Variants in GRM7 observed in about 807,000 individuals in gnomAD.
GRM7 encodes glutamate metabotropic receptor 7.
Under a neutral mutation model 84.5 loss-of-function variants are expected in GRM7, and 35 were observed. The observed-to-expected ratio is 0.41, with a 90% confidence interval of 0.32 to 0.55. The LOEUF (loss-of-function observed/expected upper bound fraction) is 0.55. Among genes scored for constraint, GRM7 ranks in the 20% least tolerant of loss-of-function variants. The pLI is 0.19. For missense variants in GRM7, 1,003 were observed against 1,194.6 expected, an observed-to-expected ratio of 0.84 and a Z score of 2.36; for synonymous variants, 487 against 455.1, an observed-to-expected ratio of 1.07 and a Z score of -0.89.
intron 2 of GRM7, among the ~76,000 whole-genome samples, chr3:7,262,275 C>T (rs76651196): frequency 6.8e-4 from 104 of 152,198 alleles, no homozygotes; most frequent in Non-Finnish European, 1.2e-3. Flanking sequence ...CCACATTTCT[C>T]AGAGGTTTTC....
intron 4 of GRM7, among the ~76,000 whole-genome samples, chr3:7,389,161 T>C (rs896248120): frequency 1.3e-5 from 2 of 152,166 alleles, no homozygotes; most frequent in African/African-American, 4.8e-5. Context: ...GCAAGCTATT[T>C]AGTTTCTATG....
intron 4 of GRM7, among the ~76,000 whole-genome samples, chr3:7,321,953 T>A (rs570389929): frequency 2.6e-5 from 4 of 152,210 alleles, no homozygotes; most frequent in East Asian, 3.9e-4. Flanking sequence ...AACATCAGTG[T>A]GAATGGCCTC....
intron 4 of GRM7, among the ~76,000 whole-genome samples, chr3:7,377,218 TA>T (rs1399771813): frequency 2.0e-5 from 3 of 146,734 alleles, no homozygotes; most frequent in Non-Finnish European, 4.6e-5. Flanking sequence ...GGGTTCCTAA[TA>T]TTTTTTTTCC....
rs548781591 is a variant in GRM7, at chr3:7,264,461, A to G, written c.737-34223A>G. ...TGCCAGGATTCCAGAGGCCTGTAGTAAGAGCAGGTTGCTCCTTGCCTGTTC... is the reference window on the plus strand; with the variant it reads ...TGCCAGGATTCCAGAGGCCTGTAGTGAGAGCAGGTTGCTCCTTGCCTGTTC... On this transcript the variant is annotated intron_variant, in intron 2 of 9. Coordinates refer to ENST00000357716, the MANE Select transcript of GRM7 (RefSeq NM_000844.4). 1.7e-3 allele frequency among the ~76,000 whole-genome samples: 261 copies of G among 152,206 alleles called. 3 individuals carry two copies. The highest frequency in any genetic ancestry group is 6.8e-3 in the Middle Eastern group (2 of 294).
At chr3:7,459,545 G>T (rs575504776) in intron 6 of GRM7, among the ~76,000 whole-genome samples, 1 of 152,062 alleles carries the variant, frequency 6.6e-6, no homozygotes, top group African/African-American at 2.4e-5. Flanking sequence ...GAAGACAAAA[G>T]GCACGTCTTT....
At chr3:7,494,743 AT>A (rs1462684716) in intron 7 of GRM7, among the ~76,000 whole-genome samples, 1 of 152,080 alleles carries the variant, frequency 6.6e-6, no homozygotes, top group Non-Finnish European at 1.5e-5. Flanking sequence ...TCCAGCCAAT[AT>A]TTTTATTGTT....
chr3:6,900,099 C>G (rs1256894582), intron 1 of GRM7, among the ~76,000 whole-genome samples: 1 of 152,150 alleles, frequency 6.6e-6, no homozygotes, highest in Non-Finnish European at 1.5e-5. Flanking sequence ...TTAAGATAAT[C>G]TGGAAGTCTA....
intron 2 of GRM7, among the ~76,000 whole-genome samples, chr3:7,193,002 C>CG (rs1222386013): frequency 6.6e-6 from 1 of 152,116 alleles, no homozygotes; most frequent in Non-Finnish European, 1.5e-5. Context: ...GCATTCTCCA[C>CG]GGGTTTATCT....
At chr3:7,144,361 G>C (rs1694042319) in intron 1 of GRM7, among the ~76,000 whole-genome samples, 1 of 152,044 alleles carries the variant, frequency 6.6e-6, no homozygotes, top group Admixed American at 6.6e-5. Flanking sequence ...AATTAGATAA[G>C]GCAATGCATA....
chr3:7,220,630 G>A (rs928564318), intron 2 of GRM7, among the ~76,000 whole-genome samples: 9 of 152,102 alleles, frequency 5.9e-5, no homozygotes, highest in East Asian at 3.9e-4. Flanking sequence ...TACCAATAAA[G>A]TATGAATTTA....
chr3:7,609,823 C>A lies in GRM7; in HGVS notation c.2451+30466C>A, dbSNP rs566966918. On this transcript the variant is annotated intron_variant, in intron 8 of 9. Transcript: ENST00000357716. ...AAGTAAAACCAGCCAACATTAGAAA[C>A]CTACTTTGACAACCACTCCTTTAAA... Among the ~76,000 whole-genome samples the A allele has an allele frequency of 9.9e-5, 15 of 152,226 alleles. No homozygotes were observed. In the South Asian group the frequency reaches 2.9e-3, roughly 29 times the overall value.
chr3:6,963,872 C>T (rs1693398229), intron 1 of GRM7, among the ~76,000 whole-genome samples: 1 of 152,136 alleles, frequency 6.6e-6, no homozygotes, highest in Non-Finnish European at 1.5e-5. Flanking sequence ...CCACTCTGCA[C>T]ATCAGATTTG....
At chr3:6,979,747 C>T (rs891322083) in intron 1 of GRM7, among the ~76,000 whole-genome samples, 13 of 152,076 alleles carry the variant, frequency 8.5e-5, no homozygotes, top group African/African-American at 1.9e-4. Flanking sequence ...AAAGTAATTG[C>T]GGTTTTCACC....
chr3:7,001,089 C>A (rs757347207), intron 1 of GRM7, among the ~76,000 whole-genome samples: 2 of 152,174 alleles, frequency 1.3e-5, no homozygotes, highest in African/African-American at 2.4e-5. Context: ...TCCAACATAA[C>A]CCAAAATGAA....
chr3:7,162,628 A>G (rs1479088006), intron 2 of GRM7, among the ~76,000 whole-genome samples: 1 of 151,894 alleles, frequency 6.6e-6, no homozygotes, highest in Non-Finnish European at 1.5e-5. Flanking sequence ...GCTAATAAAG[A>G]TAAGAGAAAT....
intron 1 of GRM7, among the ~76,000 whole-genome samples, chr3:6,955,253 C>T (rs542807086): frequency 7.9e-5 from 12 of 152,222 alleles, no homozygotes; most frequent in African/African-American, 1.7e-4. Flanking sequence ...AATAGAATGA[C>T]GGCCGGGGCT....
intron 8 of GRM7, among the ~76,000 whole-genome samples, chr3:7,606,374 A>T (rs1296606262): frequency 6.6e-6 from 1 of 152,186 alleles, no homozygotes; most frequent in Admixed American, 6.5e-5. Flanking sequence ...TTTTTTATAC[A>T]TTAAAAATCT....
At chr3:6,889,660 C>T (rs1299728016) in intron 1 of GRM7, among the ~76,000 whole-genome samples, 4 of 152,124 alleles carry the variant, frequency 2.6e-5, no homozygotes, top group Non-Finnish European at 5.9e-5. Context: ...ATTTTTGCAT[C>T]AATGTTCATC....
chr3:6,938,923 G>GCA (rs907366588), intron 1 of GRM7, among the ~76,000 whole-genome samples: 9 of 152,274 alleles, frequency 5.9e-5, no homozygotes, highest in Admixed American at 5.9e-4. Context: ...GCCTGTTAAG[G>GCA]CACTTGCTGT....
Sources: gnomAD v4.1 joint callset for allele counts (sites outside exome capture counted in the v4.1 genomes callset) on GRCh38, gnomAD v4.1.1 for gene constraint, MANE v1.5 for transcripts, NCBI Gene and HGNC (gene_info 2026-07-23, HGNC 2026-07-21) for gene names.